GALNTL5: variants seen among roughly 807,000 people sequenced by gnomAD.
GALNTL5 encodes the protein polypeptide N-acetylgalactosaminyltransferase like 5.
In GALNTL5, 44 loss-of-function variants were observed where a neutral mutation model predicts 51.0. That is an observed-to-expected ratio of 0.86 (90% confidence interval 0.68 to 1.11). The LOEUF is 1.11. GALNTL5 is among the 50% of genes least tolerant of loss of function. GALNTL5 has a pLI of 0.00. For synonymous variants in GALNTL5, 192 were observed against 182.8 expected (o/e 1.05, Z -0.41); for missense variants, 528 against 531.8 (o/e 0.99, Z 0.07).
At position 151,962,490 on chromosome 7, in the gene GALNTL5, G is replaced by A. The variant is rs1034171934; in HGVS notation, c.-39-4718G>A. Among the ~76,000 whole-genome samples the A allele has an allele frequency of 8.8e-5, 10 of 114,106 alleles. No individual in the cohort carries two copies. The East Asian group carries it at 2.4e-3, about 27-fold the overall frequency. The allele number at this position is 114,106 out of a possible 152,430, so 74.9% of individuals were successfully genotyped here. A position where few individuals can be genotyped will look rare whatever the true frequency, so the allele number is the denominator to read the frequency against. On this transcript the variant is annotated intron_variant, in intron 1 of 8. Coordinates refer to ENST00000392800, the MANE Select transcript of GALNTL5 (RefSeq NM_145292.4). ...ATCAGTGTTTGCATCTTATCACTCT[G>A]TAAATACTGTTCCTTAATTTTTACC...
chr7:151,984,282 C>T (rs956096978), intron 4 of GALNTL5: 2 of 152,168 alleles, frequency 1.3e-5, no homozygotes, highest in Non-Finnish European at 2.9e-5. Flanking sequence ...TTGGAAATTA[C>T]TCACCTAATT....
At chr7:151,981,150 T>C (rs1469088293) in intron 3 of GALNTL5, among the ~76,000 whole-genome samples, 1 of 152,184 alleles carries the variant, frequency 6.6e-6, no homozygotes, top group Non-Finnish European at 1.5e-5. Flanking sequence ...AGTCAATATT[T>C]GATCTTGGAA....
intron 5 of GALNTL5, among the ~76,000 whole-genome samples, chr7:151,996,809 A>C (rs979836645): frequency 6.8e-6 from 1 of 146,674 alleles, no homozygotes; most frequent in African/African-American, 2.5e-5. Context: ...AAAAAAGAAA[A>C]AATATTTTTA....
At chr7:152,013,260 GATGAA>G (rs1246294608) in intron 7 of GALNTL5, among the ~76,000 whole-genome samples, 1 of 151,860 alleles carries the variant, frequency 6.6e-6, no homozygotes, top group Non-Finnish European at 1.5e-5. Flanking sequence ...TTACCTGGGT[GATGAA>G]ATGACCTGTG....
intron 2 of GALNTL5, among the ~76,000 whole-genome samples, chr7:151,969,145 TC>T (rs2081095484): frequency 6.6e-6 from 1 of 152,158 alleles, no homozygotes; most frequent in Non-Finnish European, 1.5e-5. Context: ...TTTTCATAAG[TC>T]CCCAAAATGC....
intron 5 of GALNTL5, among the ~76,000 whole-genome samples, chr7:151,991,233 C>T (rs912709922): frequency 1.3e-5 from 2 of 152,022 alleles, no homozygotes; most frequent in Non-Finnish European, 2.9e-5. Flanking sequence ...GTTGGGATTA[C>T]AAGCACCCAC....
At chr7:152,003,470 G>A (rs574547035) in intron 6 of GALNTL5, among the ~76,000 whole-genome samples, 7 of 152,138 alleles carry the variant, frequency 4.6e-5, no homozygotes, top group East Asian at 1.9e-4. Context: ...CTTCAATGTC[G>A]TCCTCATCTG....
intron 1 of GALNTL5, among the ~76,000 whole-genome samples, chr7:151,965,258 C>T (rs1174808092): frequency 1.3e-5 from 2 of 152,178 alleles, no homozygotes; most frequent in African/African-American, 2.4e-5. Context: ...TGTTACCACA[C>T]GTCCAATAAC....
intron 5 of GALNTL5, among the ~76,000 whole-genome samples, chr7:151,990,304 GA>G (rs1383408991): frequency 6.6e-6 from 1 of 151,956 alleles, no homozygotes. Flanking sequence ...TCGGCCTCCT[GA>G]AGTGTTGGGA....
intron 4 of GALNTL5, 111 bp from the exon 5 acceptor site, chr7:151,987,048 A>G: frequency 4.1e-6 from 4 of 967,858 alleles, no homozygotes; most frequent in Non-Finnish European, 5.8e-6. Flanking sequence ...TTTTAAAGTT[A>G]GAACTTCTGT....
At chr7:151,989,939 C>T (rs1451804268) in intron 5 of GALNTL5, among the ~76,000 whole-genome samples, 2 of 152,128 alleles carry the variant, frequency 1.3e-5, no homozygotes, top group Non-Finnish European at 2.9e-5. Context: ...TCAAACATGG[C>T]CTTATAACAG....
chr7:151,990,900 C>T (rs963045181), intron 5 of GALNTL5, among the ~76,000 whole-genome samples: 2 of 151,948 alleles, frequency 1.3e-5, no homozygotes, highest in Admixed American at 6.6e-5. Context: ...TGGCTAAATG[C>T]GTAGAAATAA....
At chr7:151,980,445 T>G (rs1384101413) in intron 3 of GALNTL5, among the ~76,000 whole-genome samples, 2 of 152,168 alleles carry the variant, frequency 1.3e-5, no homozygotes, top group Non-Finnish European at 2.9e-5. Context: ...CAGACCCAAG[T>G]GCAGACGGTG....
intron 5 of GALNTL5, among the ~76,000 whole-genome samples, chr7:152,000,907 C>CT (rs2081568494): frequency 3.9e-5 from 5 of 128,618 alleles, no homozygotes; most frequent in Admixed American, 1.5e-4. Context: ...TCTTTTTTTT[C>CT]TTTCTTTTTT....
intron 3 of GALNTL5, among the ~76,000 whole-genome samples, chr7:151,976,142 T>C (rs73728483): frequency 5.3e-4 from 81 of 152,360 alleles, no homozygotes; most frequent in African/African-American, 1.8e-3. Context: ...GTCTGGATGA[T>C]CTGTACATAG....
intron 5 of GALNTL5, among the ~76,000 whole-genome samples, chr7:151,997,219 C>G (rs1055557766): frequency 6.6e-6 from 1 of 152,202 alleles, no homozygotes; most frequent in African/African-American, 2.4e-5. Flanking sequence ...ATCAGGCAGG[C>G]TTGACCTCAC....
chr7:152,013,791 T>C (rs1253100160), intron 7 of GALNTL5, among the ~76,000 whole-genome samples: 1 of 152,222 alleles, frequency 6.6e-6, no homozygotes, highest in Non-Finnish European at 1.5e-5. Context: ...AGTTTACATA[T>C]ATACCTGGGT....
intron 2 of GALNTL5, 37 bp downstream of exon 2, chr7:151,967,530 G>A: frequency 1.3e-6 from 2 of 1,580,564 alleles, no homozygotes; most frequent in Non-Finnish European, 1.7e-6. Flanking sequence ...GCCATTTGAA[G>A]GGGAAAATGT....
At chr7:152,015,697 T>C (rs1053563277) in intron 8 of GALNTL5, among the ~76,000 whole-genome samples, 1 of 152,104 alleles carries the variant, frequency 6.6e-6, no homozygotes, top group Admixed American at 6.6e-5. Context: ...TCCCCGCTGA[T>C]TTCCCAAGCA....
Sources: allele counts gnomAD v4.1 joint callset (sites outside exome capture counted in the v4.1 genomes callset), GRCh38; gene constraint gnomAD v4.1.1; transcripts MANE v1.5; gene names NCBI Gene and HGNC (gene_info 2026-07-23, HGNC 2026-07-21).